The following VPS13D variants were observed in gnomAD, a reference collection of about 807,000 sequenced individuals.
VPS13D encodes intermembrane lipid transfer protein VPS13D.
In VPS13D, 187 loss-of-function variants were observed where a neutral mutation model predicts 461.9. The observed-to-expected ratio is 0.40, with a 90% CI of 0.36 to 0.46. VPS13D has a LOEUF of 0.46. VPS13D is among the 20% of genes least tolerant of loss of function. The pLI is 0.60. For synonymous variants in VPS13D, 1,951 were observed against 1,986.3 expected, an observed-to-expected ratio of 0.98 and a Z score of 0.47; for missense variants, 4,711 against 5,364.9, an observed-to-expected ratio of 0.88 and a Z score of 3.81.
At chr1:12,239,635 C>T (rs974544842) in intron 2 of VPS13D, among the ~76,000 whole-genome samples, 2 of 152,180 alleles carry the variant, frequency 1.3e-5, no homozygotes, top group African/African-American at 2.4e-5. Flanking sequence ...ATTTGTAACC[C>T]AAAACATCCA....
chr1:12,319,742 G>A lies in VPS13D; in HGVS notation c.7548+112G>A, dbSNP rs551287884. 38 of 1,480,648 alleles carry A rather than the reference G, an allele frequency of 2.6e-5. No homozygotes were observed. The South Asian group carries it at 4.6e-4, about 18-fold the overall frequency. 91.7% of individuals were successfully genotyped at this position (1,480,648 alleles called of 1,614,324 possible). A position where few individuals can be genotyped will look rare whatever the true frequency, so the allele number is the denominator to read the frequency against. ...TGAGGGGAAGGAATTAATGAAATTG[G>A]AAGACCCTTGCCCTCTTTTCCTCTT... On this transcript the variant is annotated intron_variant, in intron 32 of 69. Transcript: ENST00000620676.
chr1:12,459,533 C>T (rs1477915165), intron 66 of VPS13D, among the ~76,000 whole-genome samples: 10 of 148,092 alleles, frequency 6.8e-5, no homozygotes, highest in Non-Finnish European at 1.5e-4. Flanking sequence ...GACTGGAGTG[C>T]AATGCTGCGA....
rs76086784 is a variant in VPS13D, at chr1:12,259,303, C to G, written c.1110+1200C>G. Among the ~76,000 whole-genome samples the G allele has an allele frequency of 7.3e-3, 1,101 of 151,612 alleles. 7 individuals are homozygous for G. The highest frequency in any genetic ancestry group is 0.025 in the African/African-American group (1,047 of 41,254). ...TCACCTGCCTCAGCCTTCACCACCC[C>G]CAGCCTACTCTTTTTATTTTTTTTT... On this transcript the variant is annotated intron_variant, in intron 10 of 69. Coordinates refer to ENST00000620676, the MANE Select transcript of VPS13D (RefSeq NM_015378.4).
rs556718982 is a variant in VPS13D at position 12,426,886 on chromosome 1, C to T, written c.12333+10059C>T. Among the ~76,000 whole-genome samples, 656 of 152,004 alleles carry T rather than the reference C, an allele frequency of 4.3e-3. 5 individuals carry two copies. The highest frequency in any genetic ancestry group is 0.014 in the African/African-American group (585 of 41,442). ...AAAATTAGCTGGGTGTGGTGGCAGGCGCCTGTAATCCCAGCTACTCGGGAG... is the reference window on the plus strand; with the variant it reads ...AAAATTAGCTGGGTGTGGTGGCAGGTGCCTGTAATCCCAGCTACTCGGGAG... On this transcript the variant is annotated intron_variant, in intron 65 of 69. Transcript: ENST00000620676.
intron 6 of VPS13D, among the ~76,000 whole-genome samples, chr1:12,252,863 A>G (rs543375725): frequency 1.3e-5 from 2 of 150,882 alleles, no homozygotes; most frequent in South Asian, 4.2e-4. Flanking sequence ...AAAATAATAT[A>G]AAAAAAAATT....
chr1:12,366,666 C>T (rs10864553), intron 52 of VPS13D, among the ~76,000 whole-genome samples: 18,995 of 152,132 alleles, frequency 0.12, 2,259 homozygotes, highest in African/African-American at 0.31. Context: ...TAAACTACTG[C>T]GAACAGACCT....
At chr1:12,243,019 C>A (rs1287384689) in intron 3 of VPS13D, among the ~76,000 whole-genome samples, 1 of 150,534 alleles carries the variant, frequency 6.6e-6, no homozygotes, top group Non-Finnish European at 1.5e-5. Flanking sequence ...GTGGTGCGAT[C>A]TCGGCTCACT....
In VPS13D at chr1:12,311,832, T is replaced by C; in HGVS notation, c.6842T>C (p.Val2281Ala). 6.2e-7 allele frequency: 1 copy of C among 1,614,164 alleles called. No homozygotes were observed. Among genetic ancestry groups the C allele is most frequent in the Non-Finnish European group, 8.5e-7 (1 of 1,180,004 alleles). Reference protein sequence around the residue: ...PRIHTVLSGEVYTCMCFLIDM... With the variant: ...PRIHTVLSGEAYTCMCFLIDM... ...TTGTAGACTGTCCTGAGTGGAGAAGTGTACACCTGTATGTGCTTCCTCATT... is the reference window on the plus strand; with the variant it reads ...TTGTAGACTGTCCTGAGTGGAGAAGCGTACACCTGTATGTGCTTCCTCATT... The change falls in exon 29 of 70, where the codon GTG becomes GCG. Residue 2281 changes from valine (V) to alanine (A), a missense_variant. This residue lies in a region of VPS13D where 4,411 missense variants were observed against 4,937.8 expected (regional missense o/e 0.89). Transcript: ENST00000620676.
At position 12,343,029 on chromosome 1, in the gene VPS13D, G is replaced by T; in HGVS notation, c.8863G>T (p.Ala2955Ser). ...TGEEIPFEFEARGKLRHRHTH... is the reference protein window; with the variant it reads ...TGEEIPFEFESRGKLRHRHTH... ...TGAAGAGATTCCCTTTGAATTTGAA[G>T]CAAGAGGAAAGTTAAGACACAGGTA... Residue 2955 changes from alanine to serine, a missense_variant, in exon 42 of 70, where the codon GCA becomes TCA. Coordinates refer to ENST00000620676, the MANE Select transcript of VPS13D (RefSeq NM_015378.4). The T allele has an allele frequency of 6.2e-7, 1 of 1,612,806 alleles. No homozygotes were observed. Among genetic ancestry groups the T allele is most frequent in the Non-Finnish European group, 8.5e-7 (1 of 1,179,072 alleles).
chr1:12,268,943 T>A, intron 16 of VPS13D, 67 bp downstream of exon 16: 1 of 1,546,526 alleles, frequency 6.5e-7, no homozygotes, highest in Non-Finnish European at 8.7e-7. Context: ...ATTTCTGGTG[T>A]TCTGGACAAG....
intron 38 of VPS13D, 68 bp from the exon 39 acceptor site, chr1:12,335,637 T>C: frequency 6.5e-7 from 1 of 1,535,352 alleles, no homozygotes; most frequent in African/African-American, 1.4e-5. Context: ...TTTGCTGAAT[T>C]GAAATTATTT....
chr1:12,342,317 C>T (rs544538878), intron 41 of VPS13D, among the ~76,000 whole-genome samples: 3 of 152,208 alleles, frequency 2.0e-5, no homozygotes, highest in Non-Finnish European at 4.4e-5. Flanking sequence ...ATACCTAAAA[C>T]GCACTTCAAC....
chr1:12,385,319 C>T lies in VPS13D; in HGVS notation c.11430C>T (p.Val3810=), dbSNP rs1371299184. The T allele has an allele frequency of 4.3e-6, 7 of 1,613,862 alleles. No homozygotes were observed. In the African/African-American group the frequency reaches 8.0e-5, roughly 18 times the overall value. ...CATATGAAGTGGATGAACTTCCTGT[C>T]ACCGAACAAGAGCTGCAGAAATTAA... ...SRSYEVDELP[V]TEQELQKLKN... is the part of the protein sequence containing the mutation. The change falls in exon 59 of 70, where the codon GTC becomes GTT. Residue 3810 remains valine, a synonymous_variant. Coordinates refer to ENST00000620676, the MANE Select transcript of VPS13D (RefSeq NM_015378.4).
chr1:12,230,439 G>T (rs1052274850), intron 1 of VPS13D, among the ~76,000 whole-genome samples: 3 of 152,126 alleles, frequency 2.0e-5, no homozygotes, highest in African/African-American at 7.2e-5. Context: ...GTCCTGGGGA[G>T]CCCGAGCCCC....
intron 44 of VPS13D, 29 bp from the exon 45 acceptor site, chr1:12,348,794 A>G: frequency 6.2e-7 from 1 of 1,609,154 alleles, no homozygotes; most frequent in African/African-American, 1.3e-5. Context: ...CAGAAACATA[A>G]CTATTTTGTC....
At position 12,277,644 on chromosome 1, in the gene VPS13D, C is replaced by T; in HGVS notation, c.4056C>T (p.Pro1352=). 1.2e-6 allele frequency: 2 copies of T among 1,614,082 alleles called. No homozygotes were observed. Among genetic ancestry groups the T allele is most frequent in the South Asian group, 2.2e-5 (2 of 91,070 alleles). The change falls in exon 19 of 70, where the codon CCC becomes CCT. Residue 1352 remains proline (P), a synonymous_variant. Coordinates refer to ENST00000620676, the MANE Select transcript of VPS13D (RefSeq NM_015378.4). ...AAACTCCAAGGAAGACTCGGGAACC[C>T]TTTATCTTAGAGGAAAATGAAATAT... is the stretch of plus-strand genomic sequence containing the variant. ...LFETPRKTRE[P]FILEENEIYG...
intron 65 of VPS13D, among the ~76,000 whole-genome samples, chr1:12,435,056 A>G (rs1645042486): frequency 6.6e-6 from 1 of 152,250 alleles, no homozygotes; most frequent in Non-Finnish European, 1.5e-5. Context: ...ATGTTAGTGT[A>G]TCCTTACCGT....
At chr1:12,488,473 T>C (rs999240234) in intron 67 of VPS13D, among the ~76,000 whole-genome samples, 1 of 152,188 alleles carries the variant, frequency 6.6e-6, no homozygotes, top group Non-Finnish European at 1.5e-5. Flanking sequence ...TCCTTTATAC[T>C]ACTTTGTTCT....
At chr1:12,310,909 TTCCCTCCC>T (rs1557701443) in intron 27 of VPS13D, among the ~76,000 whole-genome samples, 2 of 113,592 alleles carry the variant, frequency 1.8e-5, no homozygotes, top group Non-Finnish European at 3.3e-5. Context: ...CCTTCCCTCC[TTCCCTCCC>T]TCTCTCCCTC....
Sources: gnomAD v4.1 joint callset for allele counts (sites outside exome capture counted in the v4.1 genomes callset) on GRCh38, gnomAD v4.1.1 for gene constraint, gnomAD v4.1.1 regional missense constraint, MANE v1.5 for transcripts, NCBI Gene and HGNC (gene_info 2026-07-23, HGNC 2026-07-21) for gene names.